The following RB1CC1 variants were observed in gnomAD, a reference collection of about 807,000 sequenced individuals.
The protein encoded by RB1CC1 is RB1 inducible coiled-coil 1, also known as RB1-inducible coiled-coil protein 1.
Under a neutral mutation model 177.5 loss-of-function variants are expected in RB1CC1, and 46 were observed. That is an observed-to-expected ratio of 0.26 (90% CI 0.20 to 0.33). The LOEUF (loss-of-function observed/expected upper bound fraction) is 0.33. RB1CC1 is among the 10% of genes least tolerant of loss of function. The pLI is 1.00. For synonymous variants in RB1CC1, 666 were observed against 613.6 expected, an observed-to-expected ratio of 1.09 and a Z score of -1.26; for missense variants, 1,703 against 1,816.3, an observed-to-expected ratio of 0.94 and a Z score of 1.13.
chr8:52,698,666 GTTGGTTTTTTTTTTTTTTTTTTTTTTTTT>G (rs1855689783), intron 1 of RB1CC1, among the ~76,000 whole-genome samples: 1 of 2,604 alleles, frequency 3.8e-4, no homozygotes, highest in Non-Finnish European at 1.2e-3. Flanking sequence ...ATATGTAATG[GTTGGTTTTTTTTTTTTTTTTTTTTTTTTT>G]TTTTTTTTTT....
At chr8:52,654,847 T>C (rs947073472) in intron 15 of RB1CC1, among the ~76,000 whole-genome samples, 24 of 152,300 alleles carry the variant, frequency 1.6e-4, no homozygotes, top group African/African-American at 4.1e-4. Flanking sequence ...AAATTCCCCT[T>C]ATTCCTTATG....
chr8:52,664,950 G>A (rs80353767), intron 8 of RB1CC1, among the ~76,000 whole-genome samples: 1 of 152,020 alleles, frequency 6.6e-6, no homozygotes, highest in Non-Finnish European at 1.5e-5. Context: ...AGGACTAATA[G>A]CAATATTTTA....
intron 7 of RB1CC1, among the ~76,000 whole-genome samples, chr8:52,673,174 T>A (rs1235669846): frequency 2.0e-5 from 3 of 151,810 alleles, no homozygotes; most frequent in Non-Finnish European, 4.4e-5. Context: ...AACAATTATC[T>A]TTTGACAACA....
At chr8:52,638,667 ACT>A (rs1333767447) in intron 18 of RB1CC1, among the ~76,000 whole-genome samples, 2 of 151,904 alleles carry the variant, frequency 1.3e-5, no homozygotes, top group African/African-American at 4.8e-5. Flanking sequence ...GTGCTCTCCT[ACT>A]CTGATTTCAG....
rs781219097 is a variant in RB1CC1 at position 52,656,378 on chromosome 8, G to C, written c.3451C>G (p.Leu1151Val). 3 of 1,610,812 alleles carry C rather than the reference G, an allele frequency of 1.9e-6. No individual in the cohort carries two copies. Among genetic ancestry groups the C allele is most frequent in the South Asian group, 2.2e-5 (2 of 90,764 alleles). ...GTTACTTTGTTTAATTCAGCTTTAA[G>C]TATATTAGATTCTTCTTCATGTCTA... is the stretch of plus-strand genomic sequence containing the variant. ...ISRHEEESNILKAELNKVTSL... is the reference protein window; with the variant it reads ...ISRHEEESNIVKAELNKVTSL... The change falls in exon 15 of 24, where the codon CTT becomes GTT. Residue 1151 changes from leucine to valine, a missense_variant. By Grantham distance (32) the Leu-to-Val change is conservative. Coordinates refer to ENST00000025008, the MANE Select transcript of RB1CC1 (RefSeq NM_014781.5).
chr8:52,634,130 T>A (rs867141385), intron 20 of RB1CC1, among the ~76,000 whole-genome samples: 2 of 151,860 alleles, frequency 1.3e-5, no homozygotes, highest in African/African-American at 2.4e-5. Context: ...TTTTTTTTTT[T>A]AATTAAAAAC....
At position 52,683,875 on chromosome 8, in the gene RB1CC1, T is replaced by C. The variant is rs768452235; in HGVS notation, c.198+12A>G. On this transcript the variant is annotated intron_variant, in intron 4 of 23. Coordinates refer to ENST00000025008, the MANE Select transcript of RB1CC1 (RefSeq NM_014781.5). ...GTTGCATTCTTGTGTGAAAGGACTCTTGAATACCTACCGTCCCAGCACTGT... is the reference window on the plus strand; with the variant it reads ...GTTGCATTCTTGTGTGAAAGGACTCCTGAATACCTACCGTCCCAGCACTGT... 9.9e-6 allele frequency: 16 copies of C among 1,611,466 alleles called. No individual in the cohort carries two copies. In the East Asian group the frequency reaches 2.9e-4, roughly 29 times the overall value.
Position 52,684,019 on chromosome 8 carries a change from A to G in RB1CC1, c.72-6T>C. 3 of 1,609,304 alleles carry G rather than the reference A, an allele frequency of 1.9e-6. No homozygotes were observed. The highest frequency in any genetic ancestry group is 2.5e-6 in the Non-Finnish European group (3 of 1,178,662). ...CATGCTTAAGGTCTGCCACACTTCA[A>G]AAAATGAAATAAAATAAATCAGTTG... On this transcript the variant is annotated splice_polypyrimidine_tract_variant and splice_region_variant and intron_variant, in intron 3 of 23. Transcript: ENST00000025008.
chr8:52,639,616 A>G (rs1386795235), intron 18 of RB1CC1, among the ~76,000 whole-genome samples: 1 of 152,222 alleles, frequency 6.6e-6, no homozygotes, highest in Non-Finnish European at 1.5e-5. Flanking sequence ...ATACTTACAA[A>G]TAAAAAGAAG....
At chr8:52,707,848 TA>T (rs1391287126) in intron 1 of RB1CC1, among the ~76,000 whole-genome samples, 1 of 152,164 alleles carries the variant, frequency 6.6e-6, no homozygotes, top group East Asian at 1.9e-4. Flanking sequence ...TAGATTAACA[TA>T]AAAATGGCAG....
intron 1 of RB1CC1, among the ~76,000 whole-genome samples, chr8:52,697,012 C>T (rs1317734332): frequency 6.6e-6 from 1 of 151,724 alleles, no homozygotes; most frequent in African/African-American, 2.4e-5. Flanking sequence ...AAACAAAAAA[C>T]AAAACAAAAC....
In RB1CC1 at chr8:52,674,105, T is replaced by C. The variant is rs1233417967; in HGVS notation, c.742A>G (p.Arg248Gly). The change falls in exon 7 of 24, where the codon AGA becomes GGA. Residue 248 changes from arginine (R) to glycine (G), a missense_variant. Physicochemically the swap from Arg to Gly is moderately radical, Grantham distance 125. Around this residue, in one of 6 missense-constraint regions of RB1CC1, gnomAD observed 315 missense variants for 304.9 expected, o/e 1.03. Coordinates refer to ENST00000025008, the MANE Select transcript of RB1CC1 (RefSeq NM_014781.5). Reference sequence around the variant, plus strand: ...GTTAACAAAGATTCGTTAGTTGTTCTAGGCATATCAGGAGAGAGCACCAGT... The same window carrying C: ...GTTAACAAAGATTCGTTAGTTGTTCCAGGCATATCAGGAGAGAGCACCAGT... ...TELVLSPDMP[R>G]TTNESLLTSF... 6.2e-7 allele frequency: 1 copy of C among 1,614,176 alleles called. No individual in the cohort carries two copies. The highest frequency in any genetic ancestry group is 2.2e-5 in the East Asian group (1 of 44,862).
intron 8 of RB1CC1, 77 bp from the exon 9 acceptor site, chr8:52,661,796 C>G: frequency 1.7e-6 from 2 of 1,157,274 alleles, no homozygotes; most frequent in African/African-American, 1.6e-5. Flanking sequence ...AGTGGAAAAT[C>G]TTTATGTTAA....
At chr8:52,641,210 C>A (rs1849541794) in intron 18 of RB1CC1, among the ~76,000 whole-genome samples, 1 of 151,522 alleles carries the variant, frequency 6.6e-6, no homozygotes, top group Non-Finnish European at 1.5e-5. Flanking sequence ...ATGGTGAAAC[C>A]CCGTCTCTAC....
chr8:52,676,606 A>G (rs1278320275), intron 5 of RB1CC1, 35 bp from the exon 6 acceptor site: 5 of 1,562,438 alleles, frequency 3.2e-6, no homozygotes, highest in East Asian at 2.2e-5. Flanking sequence ...AAAGTAAAAG[A>G]AGGCAATGGT....
At chr8:52,685,294 G>A (rs921503619) in intron 3 of RB1CC1, 105 bp downstream of exon 3, 72 of 816,652 alleles carry the variant, frequency 8.8e-5, no homozygotes, top group Admixed American at 1.7e-4. Context: ...GTGAGGTACC[G>A]CACCCGGCCG....
chr8:52,649,420 C>G (rs1258599864), intron 15 of RB1CC1, among the ~76,000 whole-genome samples: 1 of 152,206 alleles, frequency 6.6e-6, no homozygotes, highest in African/African-American at 2.4e-5. Context: ...CCAAATATTT[C>G]TAGCAACTAG....
intron 2 of RB1CC1, chr8:52,686,103 GA>G (rs1854254559): frequency 1.3e-5 from 2 of 152,264 alleles, no homozygotes; most frequent in African/African-American, 4.8e-5. Context: ...CACTGAGCAA[GA>G]AATCCTCCTT....
At chr8:52,653,790 A>T (rs1238179494) in intron 15 of RB1CC1, among the ~76,000 whole-genome samples, 1 of 152,194 alleles carries the variant, frequency 6.6e-6, no homozygotes, top group Non-Finnish European at 1.5e-5. Context: ...AAAATCCAAA[A>T]TGATCCAATG....
Sources: allele counts gnomAD v4.1 joint callset (sites outside exome capture counted in the v4.1 genomes callset), GRCh38; gene constraint gnomAD v4.1.1; regional missense constraint gnomAD v4.1.1; transcripts MANE v1.5; gene names NCBI Gene and HGNC (gene_info 2026-07-23, HGNC 2026-07-21).